Variants in RBFOX1 observed in about 807,000 individuals in gnomAD.
RBFOX1 encodes the protein RNA binding protein fox-1 homolog 1.
In RBFOX1, 8 loss-of-function variants were observed where a neutral mutation model predicts 57.7. The ratio of observed to expected loss-of-function variants is 0.14; its 90% CI spans 0.08 to 0.25. The LOEUF is 0.25. RBFOX1 is among the 10% of genes least tolerant of loss of function. The pLI is 1.00. For missense variants in RBFOX1, 611 were observed against 548.5 expected (o/e 1.11, Z -1.14); for synonymous variants, 326 against 222.4 (o/e 1.47, Z -4.15).
chr16:7,168,461 G>A (rs867707568), intron 4 of RBFOX1, among the ~76,000 whole-genome samples: 30 of 152,132 alleles, frequency 2.0e-4, no homozygotes, highest in Admixed American at 3.3e-4. Context: ...CCTCATTGGC[G>A]AGCTCAAAGA....
At chr16:6,037,541 A>C (rs1168175843) in intron 1 of RBFOX1, 1 of 148,256 alleles carries the variant, frequency 6.7e-6, no homozygotes, top group East Asian at 2.0e-4. Flanking sequence ...AAAAAAAAAA[A>C]CAGTCCGTTG....
At chr16:7,381,985 G>C (rs1392603857) in intron 4 of RBFOX1, among the ~76,000 whole-genome samples, 2 of 152,196 alleles carry the variant, frequency 1.3e-5, no homozygotes, top group Non-Finnish European at 2.9e-5. Context: ...CTCCCTTTGA[G>C]AATCCTGCTT....
chr16:6,722,474 G>A (rs184895168), intron 3 of RBFOX1, among the ~76,000 whole-genome samples: 25 of 151,910 alleles, frequency 1.6e-4, no homozygotes, highest in South Asian at 8.3e-4. Flanking sequence ...TGATGAAAGC[G>A]GCATATTCCA....
chr16:7,034,837 T>TTC (rs2043849805), intron 3 of RBFOX1, among the ~76,000 whole-genome samples: 4 of 94,950 alleles, frequency 4.2e-5, no homozygotes, highest in African/African-American at 1.9e-4. Flanking sequence ...CTTTTTTTTT[T>TTC]TTTCTTTTTT....
intron 1 of RBFOX1, among the ~76,000 whole-genome samples, chr16:6,173,256 C>G (rs559320855): frequency 9.9e-5 from 15 of 152,074 alleles, no homozygotes; most frequent in Non-Finnish European, 2.1e-4. Flanking sequence ...ACTATGACTG[C>G]CAACACCCAG....
intron 4 of RBFOX1, among the ~76,000 whole-genome samples, chr16:7,229,650 AGAGGGAGGAAGG>A (rs2093364058): frequency 1.1e-5 from 1 of 91,796 alleles, no homozygotes; most frequent in Non-Finnish European, 2.4e-5. Context: ...GAAGGGAGAG[AGAGGGAGGAAGG>A]GCAAAGGAAG....
chr16:6,197,471 T>G (rs926178733), intron 1 of RBFOX1, among the ~76,000 whole-genome samples: 2 of 152,098 alleles, frequency 1.3e-5, no homozygotes, highest in African/African-American at 4.8e-5. Context: ...GCTTGTTCTA[T>G]CATCCCTGCT....
intron 2 of RBFOX1, among the ~76,000 whole-genome samples, chr16:6,544,580 T>G (rs2096869317): frequency 2.0e-5 from 3 of 152,204 alleles, no homozygotes; most frequent in South Asian, 2.1e-4. Flanking sequence ...TTCGATCGTA[T>G]TGATTCAAAT....
At chr16:7,271,177 C>A (rs774737634) in intron 4 of RBFOX1, among the ~76,000 whole-genome samples, 1 of 152,152 alleles carries the variant, frequency 6.6e-6, no homozygotes, top group Non-Finnish European at 1.5e-5. Flanking sequence ...GTGTCCTTTT[C>A]CCCTAAATGG....
At chr16:7,683,089 T>G (rs2075284830) in intron 14 of RBFOX1, among the ~76,000 whole-genome samples, 1 of 136,934 alleles carries the variant, frequency 7.3e-6, no homozygotes, top group Non-Finnish European at 1.6e-5. Context: ...AAAATTAGGA[T>G]AACTAAGATA....
intron 7 of RBFOX1, among the ~76,000 whole-genome samples, chr16:7,590,067 A>G (rs752643272): frequency 1.3e-5 from 2 of 151,894 alleles, no homozygotes; most frequent in African/African-American, 2.4e-5. Context: ...GGAGTTCAAG[A>G]CCAGCCTGGA....
At chr16:6,319,263 A>G (rs1397270633) in intron 2 of RBFOX1, among the ~76,000 whole-genome samples, 1 of 152,186 alleles carries the variant, frequency 6.6e-6, no homozygotes, top group Non-Finnish European at 1.5e-5. Flanking sequence ...TTGGCTTCAG[A>G]AAATTAATTT....
At chr16:5,957,057 G>T (rs922850322) in intron 4 of RBFOX1, among the ~76,000 whole-genome samples, 2 of 152,046 alleles carry the variant, frequency 1.3e-5, no homozygotes, top group African/African-American at 4.8e-5. Flanking sequence ...ACAGTAATTG[G>T]TGAATTACTT....
At chr16:7,059,453 A>C (rs2053562402) in intron 4 of RBFOX1, among the ~76,000 whole-genome samples, 3 of 152,200 alleles carry the variant, frequency 2.0e-5, no homozygotes, top group Admixed American at 2.0e-4. Context: ...GAGGTATAAT[A>C]ATATACTAAA....
At chr16:6,171,841 A>C (rs893191047) in intron 1 of RBFOX1, among the ~76,000 whole-genome samples, 11 of 140,534 alleles carry the variant, frequency 7.8e-5, no homozygotes. Flanking sequence ...TATTCTTTTA[A>C]GACAGAGTCT....
chr16:6,632,353 C>T (rs1174852847), intron 2 of RBFOX1, among the ~76,000 whole-genome samples: 3 of 151,844 alleles, frequency 2.0e-5, no homozygotes, highest in Admixed American at 1.3e-4. Context: ...AAAAAAAGGT[C>T]TGAACTTGTT....
At chr16:5,345,471 G>C (rs554058529) in intron 1 of RBFOX1, among the ~76,000 whole-genome samples, 1 of 152,314 alleles carries the variant, frequency 6.6e-6, no homozygotes, top group Non-Finnish European at 1.5e-5. Context: ...TTCCATCAGT[G>C]GTCAAAATGA....
chr16:7,210,708 T>C (rs1344909849), intron 4 of RBFOX1, among the ~76,000 whole-genome samples: 1 of 152,128 alleles, frequency 6.6e-6, no homozygotes, highest in African/African-American at 2.4e-5. Flanking sequence ...TACAACATTG[T>C]TGCTCCAATT....
chr16:6,466,732 G>T (rs915767360), intron 2 of RBFOX1, among the ~76,000 whole-genome samples: 1 of 152,096 alleles, frequency 6.6e-6, no homozygotes, highest in Admixed American at 6.6e-5. Context: ...ACTAGGCGAG[G>T]CTCTCTTAGT....
Sources: allele counts gnomAD v4.1 joint callset (sites outside exome capture counted in the v4.1 genomes callset), GRCh38; gene constraint gnomAD v4.1.1; transcripts MANE v1.5; gene names NCBI Gene and HGNC (gene_info 2026-07-23, HGNC 2026-07-21).